CFAP99: variants seen among roughly 807,000 people sequenced by gnomAD.
The protein encoded by CFAP99 is cilia- and flagella-associated protein 99.
A neutral mutation model predicts 82.7 loss-of-function variants in CFAP99; 84 were observed. That is an observed-to-expected ratio of 1.02 (90% confidence interval 0.85 to 1.22). The LOEUF (loss-of-function observed/expected upper bound fraction) is 1.22. Ranked by LOEUF, CFAP99 falls within the 50% of genes most tolerant of loss-of-function variation. The pLI is 0.00. For missense variants in CFAP99, 1,059 were observed against 983.5 expected (o/e 1.08, Z -1.03); for synonymous variants, 456 against 429.5 (o/e 1.06, Z -0.76).
At position 2,423,819 on chromosome 4, in the gene CFAP99, G is replaced by A. The variant is rs535350055; in HGVS notation, c.-17-2640G>A. Reference sequence around the variant, plus strand: ...GCATCACTGTCTCTTCCCTTGCCCCGAATCATCAGGACCGCACTGGCGCAG... The same window carrying A: ...GCATCACTGTCTCTTCCCTTGCCCCAAATCATCAGGACCGCACTGGCGCAG... On this transcript the variant is annotated intron_variant, in intron 1 of 14. Transcript: ENST00000635017. Among the ~76,000 whole-genome samples the A allele has an allele frequency of 3.3e-5, 5 of 151,760 alleles. No individual in the cohort carries two copies. In the South Asian group the frequency reaches 6.3e-4, roughly 19 times the overall value.
At position 2,438,283 on chromosome 4, in the gene CFAP99, G is replaced by A. The variant is rs374417542; in HGVS notation, c.351+119G>A. 6.1e-5 allele frequency: 42 copies of A among 693,062 alleles called. No individual in the cohort carries two copies. The African/African-American group carries it at 6.5e-4, about 11-fold the overall frequency. The allele number at this position is 693,062 out of a possible 1,614,324, so 42.9% of individuals were successfully genotyped here. A position where few individuals can be genotyped will look rare whatever the true frequency, so the allele number is the denominator to read the frequency against. On this transcript the variant is annotated intron_variant, in intron 4 of 14. Coordinates refer to ENST00000635017, the Ensembl canonical transcript of CFAP99. ...TTGTTTGTTTGTTTGTTTGTTTTGAGACGGAGTCTCACTCTGTCGCCCAGG... is the reference window on the plus strand; with the variant it reads ...TTGTTTGTTTGTTTGTTTGTTTTGAAACGGAGTCTCACTCTGTCGCCCAGG...
At position 2,459,098 on chromosome 4, in the gene CFAP99, G is replaced by A. The variant is rs543096270; in HGVS notation, c.1304-9G>A. 1.2e-4 allele frequency: 175 copies of A among 1,503,832 alleles called. 1 individual carries two copies. The African/African-American group carries it at 2.0e-3, about 18-fold the overall frequency. 93.2% of individuals were successfully genotyped at this position (1,503,832 alleles called of 1,614,324 possible). A position where few individuals can be genotyped will look rare whatever the true frequency, so the allele number is the denominator to read the frequency against. ...ACCAGCCACCTCAGCTCCTGGCTTG[G>A]CCCCCAAGTTCAGGAGGCGATCGAG... On this transcript the variant is annotated splice_polypyrimidine_tract_variant and intron_variant, in intron 12 of 14. Transcript: ENST00000635017.
chr4:2,449,850 G>C, intron 7 of CFAP99, 84 bp from the exon 8 acceptor site: 1 of 1,528,844 alleles, frequency 6.5e-7, no homozygotes, highest in Non-Finnish European at 8.8e-7. Context: ...AGAGGGGGAG[G>C]CTGGGTGGAA....
intron 4 of CFAP99, among the ~76,000 whole-genome samples, chr4:2,440,146 A>ATTTTTTTTTTTTT (rs1560382287): frequency 1.0e-5 from 1 of 95,870 alleles, no homozygotes; most frequent in Admixed American, 1.1e-4. Flanking sequence ...CCAGCTTGAC[A>ATTTTTTTTTTTTT]TTCTTTTTTT....
chr4:2,462,688 G>A lies in CFAP99; in HGVS notation c.1907G>A (p.Gly636Asp), dbSNP rs1488344698. The A allele has an allele frequency of 5.6e-6, 7 of 1,255,538 alleles. No individual in the cohort carries two copies. The highest frequency in any genetic ancestry group is 7.0e-6 in the Non-Finnish European group (7 of 1,000,088). The allele number at this position is 1,255,538 out of a possible 1,614,324, so 77.8% of individuals were successfully genotyped here. A position where few individuals can be genotyped will look rare whatever the true frequency, so the allele number is the denominator to read the frequency against. The change falls in exon 15 of 15, where the codon GGC (glycine) becomes GAC (aspartate). Residue 636 changes from glycine (G) to aspartate (D), a missense_variant. Transcript: ENST00000635017. This position sits in a 1 kb window ranked among gnomAD's most constrained non-coding sequence, Gnocchi z 4.1. ...TGGCGGGCGCGGCGCGCAGGGACCG[G>A]CGTCCCGGGGCGGGGATGGCGGGGA... is the stretch of plus-strand genomic sequence containing the variant.
intron 4 of CFAP99, among the ~76,000 whole-genome samples, chr4:2,440,388 C>T (rs1481059197): frequency 4.6e-5 from 7 of 150,666 alleles, no homozygotes; most frequent in South Asian, 2.1e-4. Context: ...CCTCGTGATC[C>T]GCCCGCCTCG....
chr4:2,458,936 C>T (rs1734504953), intron 12 of CFAP99, 72 bp downstream of exon 12: 1 of 1,484,936 alleles, frequency 6.7e-7, no homozygotes, highest in South Asian at 1.3e-5. Flanking sequence ...CCACCCTTTC[C>T]TGAGTGAGCC....
At chr4:2,443,097 C>A (rs755868631) in intron 4 of CFAP99, 33 bp from the exon 5 acceptor site, 3 of 1,239,214 alleles carry the variant, frequency 2.4e-6, no homozygotes, top group Non-Finnish European at 2.3e-6. Flanking sequence ...GGGCCCAGGG[C>A]TCCGGCCCCC....
exon 13 of CFAP99, chr4:2,459,129 C>T (rs2108736590): frequency 6.5e-7 from 1 of 1,530,666 alleles, no homozygotes; most frequent in Non-Finnish European, 8.7e-7. Flanking sequence ...TCGAGGAGAG[C>T]AGGGGGCTGC....
At chr4:2,419,314 C>G (rs563311921) in intron 1 of CFAP99, among the ~76,000 whole-genome samples, 1 of 152,112 alleles carries the variant, frequency 6.6e-6, no homozygotes, top group Non-Finnish European at 1.5e-5. Context: ...CTACTCCCCC[C>G]AGTGGTGCCC....
At chr4:2,433,151 G>C (rs1452692046) in intron 2 of CFAP99, among the ~76,000 whole-genome samples, 1 of 152,172 alleles carries the variant, frequency 6.6e-6, no homozygotes, top group African/African-American at 2.4e-5. Context: ...AGGACCCTCC[G>C]GCCCAGAGTG....
Position 2,462,445 on chromosome 4 carries a change from G to T in CFAP99, c.1664G>T (p.Trp555Leu), listed in dbSNP as rs1321468016. ...GAGCCCGCCGCGTCGCCCGCCAGGT[G>T]GGAGGAAAAGAAGGCCCTTGCGGCG... Residue 555 changes from tryptophan to leucine, a missense_variant and splice_region_variant, in exon 15 of 15, where the codon TGG becomes TTG. Trp to Leu is a moderately conservative substitution (Grantham distance 61). Coordinates refer to ENST00000635017, the Ensembl canonical transcript of CFAP99. This position sits in a 1 kb window ranked among gnomAD's most constrained non-coding sequence, Gnocchi z 4.1. 1.4e-6 allele frequency: 2 copies of T among 1,450,874 alleles called. No individual in the cohort carries two copies. The highest frequency in any genetic ancestry group is 1.8e-6 in the Non-Finnish European group (2 of 1,113,140). 89.9% of individuals were successfully genotyped at this position (1,450,874 alleles called of 1,614,324 possible). A position where few individuals can be genotyped will look rare whatever the true frequency, so the allele number is the denominator to read the frequency against.
intron 11 of CFAP99, among the ~76,000 whole-genome samples, chr4:2,457,848 G>T (rs1298909312): frequency 6.6e-6 from 1 of 152,210 alleles, no homozygotes; most frequent in East Asian, 1.9e-4. Context: ...TGTTGGCCCT[G>T]CACCCAGTGC....
intron 4 of CFAP99, 43 bp from the exon 5 acceptor site, chr4:2,443,087 G>A (rs1734085828): frequency 8.7e-7 from 1 of 1,145,770 alleles, no homozygotes; most frequent in East Asian, 2.6e-5. Flanking sequence ...GTGAGGGGTT[G>A]GGCCCAGGGC....
At chr4:2,452,199 G>T (rs1232493014) in exon 11 of CFAP99, 1 of 1,536,214 alleles carries the variant, frequency 6.5e-7, no homozygotes, top group South Asian at 1.2e-5. Context: ...AGTGGCAGAA[G>T]AAGATGCAGG....
At chr4:2,457,340 T>C (rs1240930592) in intron 11 of CFAP99, among the ~76,000 whole-genome samples, 1 of 152,240 alleles carries the variant, frequency 6.6e-6, no homozygotes, top group Non-Finnish European at 1.5e-5. Flanking sequence ...TGCTGTTCCA[T>C]GTGTTCTACC....
At chr4:2,429,883 A>G (rs930463904) in intron 2 of CFAP99, among the ~76,000 whole-genome samples, 1 of 152,160 alleles carries the variant, frequency 6.6e-6, no homozygotes, top group Non-Finnish European at 1.5e-5. Context: ...GAGCCACTGC[A>G]CCCAGCCTTT....
At chr4:2,449,607 T>C in intron 6 of CFAP99, 63 bp from the exon 7 acceptor site, 1 of 1,455,522 alleles carries the variant, frequency 6.9e-7, no homozygotes, top group Non-Finnish European at 9.3e-7. Flanking sequence ...AGCCCTGGCA[T>C]TTCTAGGCCC....
At chr4:2,450,915 C>G (rs1305309658) in intron 8 of CFAP99, 32 bp from the exon 9 acceptor site, 2 of 1,530,478 alleles carry the variant, frequency 1.3e-6, no homozygotes, top group Non-Finnish European at 1.8e-6. Context: ...GGCACAGGTG[C>G]CAGGCGGCCA....
Sources: allele counts gnomAD v4.1 joint callset (sites outside exome capture counted in the v4.1 genomes callset), GRCh38; gene constraint gnomAD v4.1.1; non-coding constraint Gnocchi (gnomAD v3.1); transcripts MANE v1.5; gene names NCBI Gene and HGNC (gene_info 2026-07-23, HGNC 2026-07-21).